MRPL35: variants seen among roughly 807,000 people sequenced by gnomAD.
The protein encoded by MRPL35 is large ribosomal subunit protein bL35m.
MRPL35 carries 18 observed loss-of-function variants against 21.6 expected under a neutral mutation model. The observed-to-expected ratio is 0.83, with a 90% CI of 0.58 to 1.24. The LOEUF is 1.24. Ranked by LOEUF, MRPL35 falls within the 50% of genes most tolerant of loss-of-function variation. The pLI is 0.00. For synonymous variants in MRPL35, 87 were observed against 86.9 expected (o/e 1.00, Z -0.01); for missense variants, 223 against 223.2 (o/e 1.00, Z 0.01).
intron 1 of MRPL35, among the ~76,000 whole-genome samples, chr2:86,204,861 A>G (rs1673760932): frequency 6.6e-6 from 1 of 152,248 alleles, no homozygotes; most frequent in Admixed American, 6.5e-5. Flanking sequence ...GAAAAAAAGT[A>G]TAACTTTTGG....
Position 86,211,104 on chromosome 2 carries a change from G to A in MRPL35, c.*436G>A. ...GCCTCAGGAAGAGTAGAAATTGGGT[G>A]GTGCTCCTCAGCAGGGGAAGGTGGA... On this transcript the variant is annotated 3_prime_UTR_variant, in exon 4 of 4. Transcript: ENST00000337109. 1 of 987,776 alleles carries A rather than the reference G, an allele frequency of 1.0e-6. No individual in the cohort carries two copies. The highest frequency in any genetic ancestry group is 1.2e-6 in the Non-Finnish European group (1 of 831,492). The allele number at this position is 987,776 out of a possible 1,614,324, so 61.2% of individuals were successfully genotyped here.
rs1673898348 is a variant in MRPL35, at chr2:86,211,314, T to G, written c.*646T>G. 1 of 898,910 alleles carries G rather than the reference T, an allele frequency of 1.1e-6. No individual in the cohort carries two copies. The highest frequency in any genetic ancestry group is 1.3e-6 in the Non-Finnish European group (1 of 751,352). 55.7% of individuals were successfully genotyped at this position (898,910 alleles called of 1,614,324 possible). ...GATGACCTTCAGCTCCTGCTGCTAGTCTCCAATTGCCAAGGGAATTTAACT... is the reference window on the plus strand; with the variant it reads ...GATGACCTTCAGCTCCTGCTGCTAGGCTCCAATTGCCAAGGGAATTTAACT... On this transcript the variant is annotated 3_prime_UTR_variant, in exon 4 of 4. Transcript: ENST00000337109.
In MRPL35 at chr2:86,199,548, A is replaced by T; in HGVS notation, c.43+15A>T. The T allele has an allele frequency of 1.2e-6, 2 of 1,614,122 alleles. No individual in the cohort carries two copies. Among genetic ancestry groups the T allele is most frequent in the East Asian group, 2.2e-5 (1 of 44,878 alleles). ...AGCAGCTTCAGGTCAGTGGAGAGCG[A>T]CATACTCCATGCATGCCTTCACAGA... On this transcript the variant is annotated intron_variant, in intron 1 of 3. Transcript: ENST00000337109.
In MRPL35 at chr2:86,210,312, C is replaced by A. The variant is rs1406345968; in HGVS notation, c.379-168C>A. 1.1e-4 allele frequency among the ~76,000 whole-genome samples: 17 copies of A among 149,404 alleles called. No homozygotes were observed. In the East Asian group the frequency reaches 1.2e-3, roughly 11 times the overall value. On this transcript the variant is annotated intron_variant, in intron 3 of 3. Transcript: ENST00000337109. ...ATGCTTTCTCCATCCCCCTCCCCGC[C>A]ACCCTCCCTTCCCCCGGCCATTGAG...
At chr2:86,201,967 C>G (rs1673694223) in intron 1 of MRPL35, among the ~76,000 whole-genome samples, 1 of 152,208 alleles carries the variant, frequency 6.6e-6, no homozygotes, top group Non-Finnish European at 1.5e-5. Context: ...TGCGTTACCT[C>G]TTTTGTGAAA....
rs1673893441 is a variant in MRPL35, at chr2:86,211,041, C to T, written c.*373C>T. The T allele has an allele frequency of 2.0e-6, 2 of 989,246 alleles. No homozygotes were observed. Among genetic ancestry groups the T allele is most frequent in the South Asian group, 4.6e-5 (1 of 21,574 alleles). The allele number at this position is 989,246 out of a possible 1,614,324, so 61.3% of individuals were successfully genotyped here. A position where few individuals can be genotyped will look rare whatever the true frequency, so the allele number is the denominator to read the frequency against. ...ATGTGCCAGGGAATTCAGGAACCAC[C>T]TCACCAACCCCATCTCCCACTCAGA... On this transcript the variant is annotated 3_prime_UTR_variant, in exon 4 of 4. Transcript: ENST00000337109.
Position 86,212,250 on chromosome 2 carries a change from G to A in MRPL35, c.*1582G>A, listed in dbSNP as rs538948177. On this transcript the variant is annotated 3_prime_UTR_variant, in exon 4 of 4. Coordinates refer to ENST00000337109, the MANE Select transcript of MRPL35 (RefSeq NM_016622.4). ...GGGAGATTCCTCGAAACTAGTGTGT[G>A]TTTATTAAAAGGAGAAAGGATAACA... The A allele has an allele frequency of 5.8e-6, 8 of 1,390,148 alleles. No individual in the cohort carries two copies. Among genetic ancestry groups the A allele is most frequent in the Non-Finnish European group, 6.5e-6 (7 of 1,068,870 alleles). 86.1% of individuals were successfully genotyped at this position (1,390,148 alleles called of 1,614,324 possible).
At chr2:86,199,671 C>G in intron 1 of MRPL35, 138 bp downstream of exon 1, 1 of 1,132,476 alleles carries the variant, frequency 8.8e-7, no homozygotes, top group South Asian at 1.4e-5. Context: ...CCAATTTTCT[C>G]TGGGGCGGTG....
At chr2:86,207,898 C>T (rs1371901982) in intron 3 of MRPL35, among the ~76,000 whole-genome samples, 1 of 152,220 alleles carries the variant, frequency 6.6e-6, no homozygotes, top group East Asian at 1.9e-4. Context: ...CACAGCAAGA[C>T]TTCATCTCAA....
chr2:86,207,283 G>C lies in MRPL35; in HGVS notation c.334G>C (p.Asp112His), dbSNP rs745396030. The C allele has an allele frequency of 6.2e-7, 1 of 1,614,002 alleles. No individual in the cohort carries two copies. The highest frequency in any genetic ancestry group is 1.1e-5 in the South Asian group (1 of 91,062). The change falls in exon 3 of 4, where the codon GAT becomes CAT. Residue 112 changes from aspartate to histidine, a missense_variant. By Grantham distance (81) the Asp-to-His change is moderately conservative (BLOSUM62 -1). Coordinates refer to ENST00000337109, the MANE Select transcript of MRPL35 (RefSeq NM_016622.4). Reference sequence around the variant, plus strand: ...GAGAAAGACCGTGAAAGCTGTCATCGATAGGTTTCTTCGACTTCATTGTGG... The same window carrying C: ...GAGAAAGACCGTGAAAGCTGTCATCCATAGGTTTCTTCGACTTCATTGTGG... ...GKRKTVKAVI[D>H]RFLRLHCGLW...
Position 86,210,785 on chromosome 2 carries a change from C to T in MRPL35, c.*117C>T. ...TTGTACCAATGAATACGTAAACATA[C>T]AGTGACAACATTAAACTTAGAAAAG... is the stretch of plus-strand genomic sequence containing the variant. On this transcript the variant is annotated 3_prime_UTR_variant, in exon 4 of 4. Transcript: ENST00000337109. 7.2e-7 allele frequency: 1 copy of T among 1,384,696 alleles called. No individual in the cohort carries two copies. The highest frequency in any genetic ancestry group is 9.4e-7 in the Non-Finnish European group (1 of 1,062,978). 85.8% of individuals were successfully genotyped at this position (1,384,696 alleles called of 1,614,324 possible). A position where few individuals can be genotyped will look rare whatever the true frequency, so the allele number is the denominator to read the frequency against.
In MRPL35 at chr2:86,207,279, C is replaced by T; in HGVS notation, c.330C>T (p.Val110=). 6.2e-7 allele frequency: 1 copy of T among 1,614,010 alleles called. No individual in the cohort carries two copies. The highest frequency in any genetic ancestry group is 1.1e-5 in the South Asian group (1 of 91,052). Residue 110 remains valine, a synonymous_variant, in exon 3 of 4, where the codon GTC becomes GTT. Coordinates refer to ENST00000337109, the MANE Select transcript of MRPL35 (RefSeq NM_016622.4). Reference sequence around the variant, plus strand: ...GCAAGAGAAAGACCGTGAAAGCTGTCATCGATAGGTTTCTTCGACTTCATT... The same window carrying T: ...GCAAGAGAAAGACCGTGAAAGCTGTTATCGATAGGTTTCTTCGACTTCATT... ...RKGKRKTVKA[V]IDRFLRLHCG... is the part of the protein sequence containing the mutation.
intron 2 of MRPL35, 82 bp from the exon 3 acceptor site, chr2:86,207,101 A>T: frequency 7.4e-7 from 1 of 1,344,550 alleles, no homozygotes; most frequent in Non-Finnish European, 1.0e-6. Flanking sequence ...GAGCAGCTTT[A>T]CTCATTTCTC....
Position 86,210,494 on chromosome 2 carries a change from A to G in MRPL35, c.393A>G (p.Lys131=), listed in dbSNP as rs2103916874. ...LWVRRKAGYK[K]KLWKKTPARK... ...ATATCTGACAGGCTGGCTATAAGAA[A>G]AAATTATGGAAAAAGACACCTGCAA... is the stretch of plus-strand genomic sequence containing the variant. The change falls in exon 4 of 4, where the codon AAA becomes AAG. Residue 131 remains lysine (K), a synonymous_variant. Coordinates refer to ENST00000337109, the MANE Select transcript of MRPL35 (RefSeq NM_016622.4). The G allele has an allele frequency of 6.2e-7, 1 of 1,606,450 alleles. No homozygotes were observed. The highest frequency in any genetic ancestry group is 8.5e-7 in the Non-Finnish European group (1 of 1,177,354).
chr2:86,204,172 C>T (rs1257642070), intron 1 of MRPL35, among the ~76,000 whole-genome samples: 1 of 151,874 alleles, frequency 6.6e-6, no homozygotes, highest in Non-Finnish European at 1.5e-5. Flanking sequence ...TCAGTAGAGA[C>T]GGGGTTTCTC....
rs891117674 is a variant in MRPL35, at chr2:86,212,099, G to A, written c.*1431G>A. On this transcript the variant is annotated 3_prime_UTR_variant, in exon 4 of 4. Coordinates refer to ENST00000337109, the MANE Select transcript of MRPL35 (RefSeq NM_016622.4). ...GTACTTTGAAAACCATTATTAAATA[G>A]AATTATGCATGAATTACTGTTTCAG... 1.7e-6 allele frequency: 2 copies of A among 1,152,506 alleles called. No individual in the cohort carries two copies. The highest frequency in any genetic ancestry group is 1.1e-6 in the Non-Finnish European group (1 of 934,166). The allele number at this position is 1,152,506 out of a possible 1,614,324, so 71.4% of individuals were successfully genotyped here.
chr2:86,212,923 C>T lies in MRPL35; in HGVS notation c.*2255C>T, dbSNP rs1673937866. ...TCAGGTATATGTATAATTTATTGAA[C>T]ACCTACTATGTCCCAGCATATCTAC... On this transcript the variant is annotated 3_prime_UTR_variant, in exon 4 of 4. Coordinates refer to ENST00000337109, the MANE Select transcript of MRPL35 (RefSeq NM_016622.4). 4.0e-6 allele frequency: 3 copies of T among 747,852 alleles called. No homozygotes were observed. Among genetic ancestry groups the T allele is most frequent in the Non-Finnish European group, 4.9e-6 (3 of 613,258 alleles). The allele number at this position is 747,852 out of a possible 1,614,324, so 46.3% of individuals were successfully genotyped here.
Position 86,206,768 on chromosome 2 carries a change from A to G in MRPL35, c.234-415A>G, listed in dbSNP as rs569059147. Among the ~76,000 whole-genome samples, 148 of 152,314 alleles carry G rather than the reference A, an allele frequency of 9.7e-4. 2 individuals are homozygous for G. In the South Asian group the frequency reaches 0.03, roughly 30 times the overall value. Reference sequence around the variant, plus strand: ...CTGTCATCCAAAGTGGAGGGTGCACAAGACGCTCAGCTTATAAGGATGGGC... The same window carrying G: ...CTGTCATCCAAAGTGGAGGGTGCACGAGACGCTCAGCTTATAAGGATGGGC... On this transcript the variant is annotated intron_variant, in intron 2 of 3. Coordinates refer to ENST00000337109, the MANE Select transcript of MRPL35 (RefSeq NM_016622.4).
In MRPL35 at chr2:86,211,023, A is replaced by G. The variant is rs2241432; in HGVS notation, c.*355A>G. ...TGACATTATTTCAAGGATATGTGCC[A>G]GGGAATTCAGGAACCACCTCACCAA... is the stretch of plus-strand genomic sequence containing the variant. On this transcript the variant is annotated 3_prime_UTR_variant, in exon 4 of 4. Coordinates refer to ENST00000337109, the MANE Select transcript of MRPL35 (RefSeq NM_016622.4). The G allele has an allele frequency of 0.66, 657,978 of 991,632 alleles. 221,199 individuals carry two copies. The highest frequency in any genetic ancestry group is 0.93 in the African/African-American group (53,296 of 57,466). The allele number at this position is 991,632 out of a possible 1,614,324, so 61.4% of individuals were successfully genotyped here.
Sources: gnomAD v4.1 joint callset for allele counts (sites outside exome capture counted in the v4.1 genomes callset) on GRCh38, gnomAD v4.1.1 for gene constraint, MANE v1.5 for transcripts, NCBI Gene and HGNC (gene_info 2026-07-23, HGNC 2026-07-21) for gene names.